The following RIT1 variants were observed in gnomAD, a reference collection of about 807,000 sequenced individuals.
RIT1 encodes Ras like without CAAX 1, also known as GTP-binding protein Rit1.
Under a neutral mutation model 25.6 loss-of-function variants are expected in RIT1, and 6 were observed. That is an observed-to-expected ratio of 0.23 (90% CI 0.13 to 0.46). The LOEUF (loss-of-function observed/expected upper bound fraction) is 0.46. Ranked by LOEUF, RIT1 falls within the 20% of genes least tolerant of loss-of-function variation. The probability of loss-of-function intolerance (pLI) is 0.99; values close to 1 mark genes in which losing one functional copy is unlikely to be tolerated. For missense variants in RIT1, 219 were observed against 284.4 expected (o/e 0.77, Z 1.65); for synonymous variants, 81 against 94.1 (o/e 0.86, Z 0.80).
At chr1:155,909,720 G>T in intron 3 of RIT1, among the ~76,000 whole-genome samples, 1 of 151,918 alleles carries the variant, frequency 6.6e-6, no homozygotes, top group East Asian at 1.9e-4. Flanking sequence ...TCAGGAGTTT[G>T]AGACCAGCCT....
chr1:155,910,468 C>T lies in RIT1; in HGVS notation c.145G>A (p.Asp49Asn). Residue 49 changes from aspartate (D) to asparagine (N), a missense_variant, in exon 3 of 6, where the codon GAT becomes AAT. This residue lies in a region of RIT1 where 131 missense variants were observed against 173.6 expected (regional missense o/e 0.75). Coordinates refer to ENST00000368323, the MANE Select transcript of RIT1 (RefSeq NM_006912.6). The stretch of plus-strand genomic sequence containing the variant: ...GGCTTACCAATGGTGGGATCATGAT[C>T]TTCTGGGAATCGGTGGCTGATGAAC... ...MQFISHRFPE[D>N]HDPTIEDAYK... 1.2e-6 allele frequency: 2 copies of T among 1,614,102 alleles called. No individual in the cohort carries two copies. The highest frequency in any genetic ancestry group is 8.5e-7 in the Non-Finnish European group (1 of 1,179,942).
Position 155,900,081 on chromosome 1 carries a change from C to T in RIT1, c.*307G>A, listed in dbSNP as rs934918784. On this transcript the variant is annotated 3_prime_UTR_variant, in exon 6 of 6. Coordinates refer to ENST00000368323, the MANE Select transcript of RIT1 (RefSeq NM_006912.6). ...AACTTCCCTTGTGAACTTAGTCAAA[C>T]ACACATGGTATACATATTCTCCTGG... is the stretch of plus-strand genomic sequence containing the variant. 2.4e-5 allele frequency: 8 copies of T among 332,200 alleles called. No individual in the cohort carries two copies. Among genetic ancestry groups the T allele is most frequent in the African/African-American group, 1.7e-4 (8 of 47,816 alleles). The allele number at this position is 332,200 out of a possible 1,614,324, so 20.6% of individuals were successfully genotyped here. A position where few individuals can be genotyped will look rare whatever the true frequency, so the allele number is the denominator to read the frequency against.
intron 3 of RIT1, 54 bp from the exon 4 acceptor site, chr1:155,904,858 CT>C (rs1673403472): frequency 8.7e-7 from 1 of 1,147,214 alleles, no homozygotes; most frequent in Admixed American, 1.7e-5. Flanking sequence ...GAAGAAATGC[CT>C]ATTTAAAACT....
Position 155,904,431 on chromosome 1 carries a change from C to G in RIT1, c.309G>C (p.Thr103=), listed in dbSNP as rs370396152. Residue 103 remains threonine, a synonymous_variant, in exon 5 of 6, where the codon ACG becomes ACC. Transcript: ENST00000368323. The part of the protein sequence containing the change: ...GEGFIICYSI[T]DRRSFHEVRE... The stretch of plus-strand genomic sequence containing the variant: ...GAACTTCATGGAAACTTCGACGATC[C>G]GTGATAGAGTAACAGATGATAAACC... 4 of 1,613,924 alleles carry G rather than the reference C, an allele frequency of 2.5e-6. No individual in the cohort carries two copies. Among genetic ancestry groups the G allele is most frequent in the Non-Finnish European group, 3.4e-6 (4 of 1,179,974 alleles).
chr1:155,908,098 A>C (rs1311780064), intron 3 of RIT1, among the ~76,000 whole-genome samples: 1 of 149,786 alleles, frequency 6.7e-6, no homozygotes, highest in Non-Finnish European at 1.5e-5. Context: ...TAAAAAAAAA[A>C]AACAAAAAAA....
intron 2 of RIT1, 55 bp from the exon 3 acceptor site, chr1:155,910,561 T>A (rs1369220901): frequency 1.5e-5 from 24 of 1,609,704 alleles, no homozygotes; most frequent in Non-Finnish European, 2.0e-5. Flanking sequence ...ACAGAGAGAA[T>A]TTTAAGTATT....
chr1:155,902,229 A>G (rs373309858), intron 5 of RIT1, among the ~76,000 whole-genome samples: 2 of 152,164 alleles, frequency 1.3e-5, no homozygotes, highest in Non-Finnish European at 2.9e-5. Flanking sequence ...ATTATTATGC[A>G]TTCTGAACTG....
chr1:155,911,187 G>A, intron 1 of RIT1, 56 bp downstream of exon 1: 1 of 425,032 alleles, frequency 2.4e-6, no homozygotes, highest in Non-Finnish European at 4.0e-6. Flanking sequence ...ATTCTCCTCC[G>A]AACCCCCTCC....
intron 2 of RIT1, 43 bp downstream of exon 2, chr1:155,910,613 A>G (rs760619806): frequency 6.2e-6 from 10 of 1,610,396 alleles, no homozygotes; most frequent in Admixed American, 1.7e-5. Context: ...TCATTTAAGT[A>G]CTTTTCATCC....
rs1048036612 is a variant in RIT1, at chr1:155,900,129, T to C, written c.*259A>G. The C allele has an allele frequency of 2.5e-5, 11 of 447,460 alleles. No individual in the cohort carries two copies. The South Asian group carries it at 3.8e-4, about 15-fold the overall frequency. 27.7% of individuals were successfully genotyped at this position (447,460 alleles called of 1,614,324 possible). The stretch of plus-strand genomic sequence containing the variant: ...TGGGTATAAACAAATTTACATTAAT[T>C]AATAGCGCAACAGAACCCAAAACAT... On this transcript the variant is annotated 3_prime_UTR_variant, in exon 6 of 6. Transcript: ENST00000368323.
Position 155,898,700 on chromosome 1 carries a change from G to GT in RIT1, c.*1687dup, listed in dbSNP as rs1300152456. Reference sequence around the variant, plus strand: ...TTTGATGCTTTTCCAAAGTGCTATAGTTCCTGTGAGATTTGTGTCCTGCAC... The same window carrying GT: ...TTTGATGCTTTTCCAAAGTGCTATAGTTTCCTGTGAGATTTGTGTCCTGCAC... On this transcript the variant is annotated 3_prime_UTR_variant, in exon 6 of 6. Transcript: ENST00000368323. 5.2e-6 allele frequency: 1 copy of GT among 191,636 alleles called. No homozygotes were observed. Among genetic ancestry groups the GT allele is most frequent in the African/African-American group, 2.3e-5 (1 of 42,896 alleles). 11.9% of individuals were successfully genotyped at this position (191,636 alleles called of 1,614,324 possible). A position where few individuals can be genotyped will look rare whatever the true frequency, so the allele number is the denominator to read the frequency against.
intron 5 of RIT1, 35 bp downstream of exon 5, chr1:155,904,276 A>G: frequency 2.1e-6 from 3 of 1,426,224 alleles, no homozygotes; most frequent in Non-Finnish European, 2.9e-6. Context: ...CTAATTGTAT[A>G]AGATTATAGA....
chr1:155,897,881 T>C lies in RIT1; in HGVS notation c.*2507A>G, dbSNP rs763616119. ...GTGCATTAAAAAAATTATCCCCCCC[T>C]CCTCCTCCCCAAACATCACAGTAGA... is the stretch of plus-strand genomic sequence containing the variant. On this transcript the variant is annotated 3_prime_UTR_variant, in exon 6 of 6. Coordinates refer to ENST00000368323, the MANE Select transcript of RIT1 (RefSeq NM_006912.6). 1 of 152,206 alleles carries C rather than the reference T, an allele frequency of 6.6e-6. No homozygotes were observed. The highest frequency in any genetic ancestry group is 2.1e-4 in the South Asian group (1 of 4,814). 9.4% of individuals were successfully genotyped at this position (152,206 alleles called of 1,614,324 possible).
In RIT1 at chr1:155,898,579, G is replaced by T; in HGVS notation, c.*1809C>A. ...TTAATAACAATTCCCTAGGTCACTA[G>T]TAATAAGAAGCTATGGGCTTTAAAC... is the stretch of plus-strand genomic sequence containing the variant. On this transcript the variant is annotated 3_prime_UTR_variant, in exon 6 of 6. Transcript: ENST00000368323. The T allele has an allele frequency of 7.1e-6, 1 of 140,352 alleles. No homozygotes were observed. The highest frequency in any genetic ancestry group is 1.5e-4 in the East Asian group (1 of 6,710). 8.7% of individuals were successfully genotyped at this position (140,352 alleles called of 1,614,324 possible).
At chr1:155,900,901 G>A (rs1673299945) in intron 5 of RIT1, among the ~76,000 whole-genome samples, 1 of 151,892 alleles carries the variant, frequency 6.6e-6, no homozygotes, top group African/African-American at 2.4e-5. Flanking sequence ...TCACAACCTC[G>A]GCCTCCCGGG....
At chr1:155,906,553 G>C (rs1332363837) in intron 3 of RIT1, among the ~76,000 whole-genome samples, 1 of 151,920 alleles carries the variant, frequency 6.6e-6, no homozygotes, top group Non-Finnish European at 1.5e-5. Flanking sequence ...CTGAGGTCAG[G>C]AGTTCAAGAC....
intron 5 of RIT1, among the ~76,000 whole-genome samples, 161 bp from the exon 6 acceptor site, chr1:155,900,779 G>C (rs1030737945): frequency 6.6e-6 from 1 of 152,158 alleles, no homozygotes; most frequent in East Asian, 1.9e-4. Flanking sequence ...TTACTTCTAA[G>C]GTTTCTTATT....
rs1057524417 is a variant in RIT1 at position 155,910,472 on chromosome 1, T to C, written c.141A>G (p.Pro47=). 3 of 1,614,194 alleles carry C rather than the reference T, an allele frequency of 1.9e-6. No individual in the cohort carries two copies. The East Asian group carries it at 6.7e-5, about 36-fold the overall frequency. ...TACCAATGGTGGGATCATGATCTTC[T>C]GGGAATCGGTGGCTGATGAACTGCA... is the stretch of plus-strand genomic sequence containing the variant. ...MTMQFISHRF[P]EDHDPTIEDA... Residue 47 remains proline (P), a synonymous_variant, in exon 3 of 6, where the codon CCA becomes CCG. Transcript: ENST00000368323.
chr1:155,908,504 G>T (rs2102588928), intron 3 of RIT1, among the ~76,000 whole-genome samples: 1 of 150,922 alleles, frequency 6.6e-6, no homozygotes, highest in Non-Finnish European at 1.5e-5. Context: ...GTACATATGC[G>T]TAAGCCCTAA....
Sources: gnomAD v4.1 joint callset for allele counts (sites outside exome capture counted in the v4.1 genomes callset) on GRCh38, gnomAD v4.1.1 for gene constraint, gnomAD v4.1.1 regional missense constraint, MANE v1.5 for transcripts, NCBI Gene and HGNC (gene_info 2026-07-23, HGNC 2026-07-21) for gene names.